Variants in SDK1 observed in about 807,000 individuals in gnomAD.
SDK1 encodes the protein sidekick cell adhesion molecule 1.
SDK1 carries 157 observed loss-of-function variants against 245.5 expected under a neutral mutation model. The observed-to-expected ratio is 0.64, with a 90% CI of 0.56 to 0.73. The LOEUF is 0.73. Ranked by LOEUF, SDK1 falls within the 30% of genes least tolerant of loss-of-function variation. SDK1 has a pLI of 0.00. For synonymous variants in SDK1, 1,647 were observed against 1,278.5 expected (o/e 1.29, Z -6.15); for missense variants, 3,583 against 3,002.3 (o/e 1.19, Z -4.52).
chr7:3,505,596 T>G (rs971992429), intron 1 of SDK1, among the ~76,000 whole-genome samples: 4 of 152,208 alleles, frequency 2.6e-5, no homozygotes, highest in Admixed American at 6.5e-5. Flanking sequence ...ATAGTATGCT[T>G]AAAATAGTAT....
intron 5 of SDK1, among the ~76,000 whole-genome samples, chr7:3,886,739 G>A (rs1288268352): frequency 6.6e-6 from 1 of 152,096 alleles, no homozygotes; most frequent in Admixed American, 6.5e-5. Context: ...ACAAAGCAAG[G>A]ACCTGTCTCT....
rs539038428 is a variant in SDK1 at position 3,579,703 on chromosome 7, C to G, written c.299-39377C>G. 7.9e-5 allele frequency among the ~76,000 whole-genome samples: 12 copies of G among 152,296 alleles called. No homozygotes were observed. In the East Asian group the frequency reaches 2.1e-3, roughly 27 times the overall value. On this transcript the variant is annotated intron_variant, in intron 1 of 44. Coordinates refer to ENST00000404826, the MANE Select transcript of SDK1 (RefSeq NM_152744.4). ...GGTTGTGGAAACAAGGGAACACTTA[C>G]ACCCTGTCAGTTGGAATGTAAATTA...
At chr7:4,210,384 G>T (rs1784451405) in intron 38 of SDK1, among the ~76,000 whole-genome samples, 1 of 152,224 alleles carries the variant, frequency 6.6e-6, no homozygotes, top group Non-Finnish European at 1.5e-5. Flanking sequence ...GCCAAGACCA[G>T]ACCTCTGTGT....
chr7:3,905,260 C>T (rs148387119), intron 5 of SDK1, among the ~76,000 whole-genome samples: 65 of 152,016 alleles, frequency 4.3e-4, no homozygotes, highest in African/African-American at 1.3e-3. Flanking sequence ...GACATTTAAA[C>T]GACTTTCACT....
At chr7:3,842,761 C>A (rs11978048) in intron 5 of SDK1, among the ~76,000 whole-genome samples, 2,207 of 152,234 alleles carry the variant, frequency 0.014, 65 homozygotes, top group African/African-American at 0.051. Context: ...TCCCTCACTT[C>A]TTCTTCACGG....
chr7:4,243,526 T>C (rs1420400244), intron 43 of SDK1, among the ~76,000 whole-genome samples: 2 of 152,196 alleles, frequency 1.3e-5, no homozygotes, highest in Admixed American at 1.3e-4. Flanking sequence ...CTCACAATCA[T>C]GGCGGAAGGC....
intron 40 of SDK1, among the ~76,000 whole-genome samples, chr7:4,227,861 A>C (rs1166030730): frequency 6.6e-6 from 1 of 152,242 alleles, no homozygotes; most frequent in Non-Finnish European, 1.5e-5. Flanking sequence ...GTCTGGGAAC[A>C]GATGTGCCTC....
At chr7:3,604,505 A>G (rs1051407239) in intron 1 of SDK1, among the ~76,000 whole-genome samples, 1 of 151,710 alleles carries the variant, frequency 6.6e-6, no homozygotes, top group African/African-American at 2.4e-5. Context: ...TGCATCTCAC[A>G]CATATTTTGA....
chr7:4,248,063 C>T (rs935599966), intron 44 of SDK1, among the ~76,000 whole-genome samples: 6 of 152,124 alleles, frequency 3.9e-5, no homozygotes, highest in African/African-American at 1.4e-4. Flanking sequence ...ACATATGTGG[C>T]GTGTTTGGAG....
intron 1 of SDK1, among the ~76,000 whole-genome samples, chr7:3,383,032 C>T (rs1272038732): frequency 1.3e-5 from 2 of 152,122 alleles, no homozygotes; most frequent in Non-Finnish European, 2.9e-5. Context: ...TAGCAAATCA[C>T]CCACTCTCCC....
chr7:3,903,820 A>G (rs1472117477), intron 5 of SDK1, among the ~76,000 whole-genome samples: 2 of 152,154 alleles, frequency 1.3e-5, no homozygotes, highest in Non-Finnish European at 2.9e-5. Flanking sequence ...TGGGTCCCTC[A>G]TGAACAGATT....
chr7:4,223,744 T>C (rs1785264090), intron 40 of SDK1, among the ~76,000 whole-genome samples: 1 of 152,200 alleles, frequency 6.6e-6, no homozygotes, highest in Non-Finnish European at 1.5e-5. Context: ...CTTCAACGTA[T>C]GAATTTGCAG....
intron 4 of SDK1, among the ~76,000 whole-genome samples, chr7:3,695,858 A>T (rs760333072): frequency 1.1e-4 from 16 of 152,158 alleles, no homozygotes; most frequent in Non-Finnish European, 2.1e-4. Flanking sequence ...TCATCACCCA[A>T]ATTACCTTAT....
At chr7:3,971,712 C>A in intron 12 of SDK1, 144 bp downstream of exon 12, 1 of 666,616 alleles carries the variant, frequency 1.5e-6, no homozygotes, top group Non-Finnish European at 2.7e-6. Flanking sequence ...GTTGTGGGCA[C>A]CGTCATTAAT....
intron 1 of SDK1, among the ~76,000 whole-genome samples, chr7:3,459,152 T>C (rs1184658090): frequency 6.6e-6 from 1 of 152,228 alleles, no homozygotes; most frequent in Non-Finnish European, 1.5e-5. Context: ...TGTATTCTTT[T>C]TGTTGTAACT....
At chr7:3,693,173 C>G (rs977706997) in intron 4 of SDK1, among the ~76,000 whole-genome samples, 3 of 152,018 alleles carry the variant, frequency 2.0e-5, no homozygotes, top group African/African-American at 4.8e-5. Context: ...GTTGTATACT[C>G]ATTTATAATG....
At chr7:3,895,632 T>G (rs1010217433) in intron 5 of SDK1, among the ~76,000 whole-genome samples, 3 of 141,520 alleles carry the variant, frequency 2.1e-5, no homozygotes, top group South Asian at 2.3e-4. Flanking sequence ...GTCCTGAGGC[T>G]TCTTCTTCTT....
At chr7:3,657,157 AAG>A (rs1783212025) in intron 4 of SDK1, among the ~76,000 whole-genome samples, 1 of 152,180 alleles carries the variant, frequency 6.6e-6, no homozygotes, top group African/African-American at 2.4e-5. Context: ...GGAGGTCAAG[AAG>A]AGTCACAGGG....
At chr7:3,603,717 A>G (rs575408451) in intron 1 of SDK1, among the ~76,000 whole-genome samples, 2 of 152,088 alleles carry the variant, frequency 1.3e-5, no homozygotes, top group African/African-American at 2.4e-5. Flanking sequence ...TTCCAACACT[A>G]TGTTGAATAG....
Sources: allele counts gnomAD v4.1 joint callset (sites outside exome capture counted in the v4.1 genomes callset), GRCh38; gene constraint gnomAD v4.1.1; transcripts MANE v1.5; gene names NCBI Gene and HGNC (gene_info 2026-07-23, HGNC 2026-07-21).